The following PCSK5 variants were observed in gnomAD, a reference collection of about 807,000 sequenced individuals.
PCSK5 encodes proprotein convertase subtilisin/kexin type 5.
PCSK5 carries 129 observed loss-of-function variants against 233.2 expected under a neutral mutation model. The observed-to-expected ratio is 0.55, with a 90% CI of 0.48 to 0.64. PCSK5 has a LOEUF of 0.64. Ranked by LOEUF, PCSK5 falls within the 30% of genes least tolerant of loss-of-function variation. The probability of loss-of-function intolerance (pLI) is 0.00; values close to 1 mark genes in which losing one functional copy is unlikely to be tolerated. For synonymous variants in PCSK5, 825 were observed against 879.2 expected (o/e 0.94, Z 1.09); for missense variants, 2,076 against 2,430.1 (o/e 0.85, Z 3.06).
intron 5 of PCSK5, 142 bp from the exon 6 acceptor site, chr9:76,067,809 GGACA>G (rs1294335261): frequency 3.1e-6 from 2 of 649,864 alleles, no homozygotes; most frequent in South Asian, 1.9e-5. Flanking sequence ...AGTTTGCCAT[GGACA>G]GACAAAGTGC....
At chr9:75,914,095 T>C (rs1587354976) in intron 1 of PCSK5, among the ~76,000 whole-genome samples, 1 of 152,226 alleles carries the variant, frequency 6.6e-6, no homozygotes, top group East Asian at 1.9e-4. Context: ...AAATGTTATC[T>C]ACAAATCGTG....
At chr9:75,997,250 G>C (rs543953037) in intron 3 of PCSK5, among the ~76,000 whole-genome samples, 1 of 152,286 alleles carries the variant, frequency 6.6e-6, no homozygotes, top group East Asian at 1.9e-4. Flanking sequence ...AATTATCTGA[G>C]ACAGAAGCAT....
At chr9:75,946,197 T>C (rs951128917) in intron 2 of PCSK5, among the ~76,000 whole-genome samples, 6 of 152,262 alleles carry the variant, frequency 3.9e-5, no homozygotes, top group African/African-American at 1.4e-4. Context: ...TTTTTTTCTT[T>C]ATTCTTCTAG....
chr9:76,255,372 A>G (rs560514146), intron 24 of PCSK5, among the ~76,000 whole-genome samples: 1 of 152,358 alleles, frequency 6.6e-6, no homozygotes, highest in African/African-American at 2.4e-5. Context: ...TAAGATAGAT[A>G]TAGAAACAGA....
At chr9:75,897,311 C>A (rs1298411056) in intron 1 of PCSK5, among the ~76,000 whole-genome samples, 1 of 151,812 alleles carries the variant, frequency 6.6e-6, no homozygotes, top group East Asian at 1.9e-4. Context: ...AAGTGTTGTG[C>A]CTGATTCTCC....
At chr9:76,317,330 T>C (rs1017915801) in intron 30 of PCSK5, among the ~76,000 whole-genome samples, 8 of 152,196 alleles carry the variant, frequency 5.3e-5, no homozygotes, top group African/African-American at 1.9e-4. Context: ...GCCACTGCAC[T>C]TCAGCCTGGG....
chr9:76,249,049 C>G (rs1375689795), intron 24 of PCSK5, among the ~76,000 whole-genome samples: 1 of 152,182 alleles, frequency 6.6e-6, no homozygotes, highest in East Asian at 1.9e-4. Flanking sequence ...AGGTGTGAGC[C>G]ACCGTACCCA....
At chr9:76,022,836 T>A (rs1485712099) in intron 3 of PCSK5, among the ~76,000 whole-genome samples, 1 of 152,200 alleles carries the variant, frequency 6.6e-6, no homozygotes, top group East Asian at 1.9e-4. Flanking sequence ...CTGTTCTTCT[T>A]TTCCTTCTCA....
chr9:76,232,878 G>T (rs185411807), intron 21 of PCSK5, among the ~76,000 whole-genome samples: 1 of 152,176 alleles, frequency 6.6e-6, no homozygotes, highest in Non-Finnish European at 1.5e-5. Context: ...AAAGGAGACT[G>T]CAGTACTCCA....
intron 5 of PCSK5, among the ~76,000 whole-genome samples, chr9:76,058,989 A>G (rs541032241): frequency 1.3e-5 from 2 of 152,244 alleles, no homozygotes; most frequent in African/African-American, 4.8e-5. Flanking sequence ...ACTTCCCCAC[A>G]CAGACGAAAA....
intron 21 of PCSK5, among the ~76,000 whole-genome samples, chr9:76,229,557 C>T (rs186271415): frequency 1.8e-4 from 28 of 152,300 alleles, no homozygotes; most frequent in Non-Finnish European, 3.7e-4. Context: ...CTGACCCATG[C>T]TCAAACATTG....
chr9:76,106,241 C>CT (rs1388157323), intron 8 of PCSK5, among the ~76,000 whole-genome samples: 2 of 152,214 alleles, frequency 1.3e-5, no homozygotes, highest in Non-Finnish European at 2.9e-5. Context: ...AATGAGACCA[C>CT]TAACTCCTCT....
intron 29 of PCSK5, among the ~76,000 whole-genome samples, chr9:76,310,001 A>G (rs902853738): frequency 2.6e-5 from 4 of 152,122 alleles, no homozygotes; most frequent in Non-Finnish European, 5.9e-5. Context: ...TAATGCCAGC[A>G]CTTTAGGAGG....
chr9:76,143,389 G>A (rs745366581), intron 10 of PCSK5, among the ~76,000 whole-genome samples: 3 of 152,122 alleles, frequency 2.0e-5, no homozygotes, highest in Admixed American at 6.6e-5. Flanking sequence ...TTTTGGAGCC[G>A]CTGCGGTGAT....
chr9:76,146,561 AT>A (rs1045511152), intron 10 of PCSK5, among the ~76,000 whole-genome samples: 4 of 151,662 alleles, frequency 2.6e-5, no homozygotes, highest in African/African-American at 9.6e-5. Context: ...TATATTGCAC[AT>A]GATGTTTTAA....
At position 76,359,119 on chromosome 9, in the gene PCSK5, T is replaced by A; in HGVS notation, c.*197T>A. ...TGAGTGGCTAAACTCAATTAACAGT[T>A]CCTGTTCAACCGTAATTGAAGAGCA... On this transcript the variant is annotated 3_prime_UTR_variant, in exon 38 of 38. Coordinates refer to ENST00000674117, the MANE Select transcript of PCSK5 (RefSeq NM_001372043.1). 1.8e-6 allele frequency: 1 copy of A among 568,638 alleles called. No homozygotes were observed. The highest frequency in any genetic ancestry group is 2.4e-5 in the South Asian group (1 of 41,870). The allele number at this position is 568,638 out of a possible 1,614,324, so 35.2% of individuals were successfully genotyped here.
intron 20 of PCSK5, chr9:76,194,688 A>G: frequency 2.2e-6 from 1 of 450,422 alleles, no homozygotes; most frequent in Non-Finnish European, 4.6e-6. Context: ...ATTATGAGGA[A>G]ACTATTTGGA....
chr9:75,905,136 A>G (rs1399394867), intron 1 of PCSK5, among the ~76,000 whole-genome samples: 6 of 152,138 alleles, frequency 3.9e-5, no homozygotes, highest in Admixed American at 3.9e-4. Context: ...GTGGTTGGGT[A>G]AGGCTGGAAG....
rs77885146 is a variant in PCSK5 at position 76,278,251 on chromosome 9, C to T, written c.3143-13982C>T. On this transcript the variant is annotated intron_variant, in intron 24 of 37. Transcript: ENST00000674117. ...GCAAAATTGTATCAGAAAAACAATT[C>T]GTTTTAAAAGTGAATCTTTTTCAAG... Among the ~76,000 whole-genome samples the T allele has an allele frequency of 3.1e-3, 469 of 152,174 alleles. 3 individuals are homozygous for T. Among genetic ancestry groups the T allele is most frequent in the African/African-American group, 0.011 (446 of 41,502 alleles).
Sources: gnomAD v4.1 joint callset for allele counts (sites outside exome capture counted in the v4.1 genomes callset) on GRCh38, gnomAD v4.1.1 for gene constraint, MANE v1.5 for transcripts, NCBI Gene and HGNC (gene_info 2026-07-23, HGNC 2026-07-21) for gene names.